Variants in CYYR1 observed in about 807,000 individuals in gnomAD.
The protein encoded by CYYR1 is cysteine and tyrosine rich 1.
In CYYR1, 14 loss-of-function variants were observed where a neutral mutation model predicts 15.2. That is an observed-to-expected ratio of 0.92 (90% CI 0.61 to 1.44). The LOEUF (loss-of-function observed/expected upper bound fraction) is 1.44, where lower values mean the gene tolerates loss of function less well. CYYR1 is among the 40% of genes most tolerant of loss of function. The probability of loss-of-function intolerance (pLI) is 0.00; values close to 1 mark genes in which losing one functional copy is unlikely to be tolerated. For missense variants in CYYR1, 228 were observed against 209.5 expected, an observed-to-expected ratio of 1.09 and a Z score of -0.54; for synonymous variants, 80 against 77.4, an observed-to-expected ratio of 1.03 and a Z score of -0.18.
intron 2 of CYYR1, among the ~76,000 whole-genome samples, chr21:26,560,266 T>G (rs1165477770): frequency 1.3e-5 from 2 of 152,244 alleles, no homozygotes; most frequent in East Asian, 3.8e-4. Flanking sequence ...GTTGATGGTA[T>G]GTAGGAATAT....
At chr21:26,478,105 A>T in intron 3 of CYYR1, 3 of 1,549,728 alleles carry the variant, frequency 1.9e-6, no homozygotes, top group Non-Finnish European at 2.6e-6. Flanking sequence ...AACAAAATAG[A>T]CCAAGATCTC....
intron 2 of CYYR1, among the ~76,000 whole-genome samples, chr21:26,496,883 A>G (rs1234663078): frequency 6.6e-6 from 1 of 152,222 alleles, no homozygotes; most frequent in East Asian, 1.9e-4. Flanking sequence ...CTTAATGGAA[A>G]GGTATACATT....
At position 26,520,111 on chromosome 21, in the gene CYYR1, G is replaced by GATATATATATATATATATATATATATAT. The variant is rs1491365888; in HGVS notation, c.177-39683_177-39682insATATATATATATATATATATATATATAT. On this transcript the variant is annotated intron_variant, in intron 2 of 3. Transcript: ENST00000652641. ...TTTCTTCTTCTAAAAAAAAACCCAG[G>GATATATATATATATATATATATATATAT]AGATATATATATATATATATATATA... is the stretch of plus-strand genomic sequence containing the variant. Among the ~76,000 whole-genome samples the GATATATATATATATATATATATATATAT allele has an allele frequency of 5.4e-4, 45 of 83,110 alleles. 4 individuals carry two copies. The highest frequency in any genetic ancestry group is 6.8e-4 in the African/African-American group (13 of 19,052). 54.5% of individuals were successfully genotyped at this position (83,110 alleles called of 152,430 possible). A position where few individuals can be genotyped will look rare whatever the true frequency, so the allele number is the denominator to read the frequency against.
At chr21:26,504,489 A>C (rs1257321600) in intron 2 of CYYR1, among the ~76,000 whole-genome samples, 2 of 151,932 alleles carry the variant, frequency 1.3e-5, no homozygotes, top group African/African-American at 2.4e-5. Flanking sequence ...CTAGGCTGTA[A>C]TTTTTATTAT....
chr21:26,542,610 C>A (rs1601812019), intron 2 of CYYR1, among the ~76,000 whole-genome samples: 1 of 152,156 alleles, frequency 6.6e-6, no homozygotes, highest in East Asian at 1.9e-4. Context: ...ACTCCAACAA[C>A]TTCTAGTCAA....
At chr21:26,493,164 G>A (rs2065350822) in intron 2 of CYYR1, among the ~76,000 whole-genome samples, 1 of 152,184 alleles carries the variant, frequency 6.6e-6, no homozygotes, top group African/African-American at 2.4e-5. Flanking sequence ...AAAAAACAGA[G>A]AGGTAAGGCT....
chr21:26,533,020 A>C, intron 2 of CYYR1, among the ~76,000 whole-genome samples: 1 of 151,072 alleles, frequency 6.6e-6, no homozygotes, highest in Admixed American at 6.6e-5. Context: ...AATATTCCAA[A>C]ATCCAAAAAA....
chr21:26,505,015 G>C (rs892566479), intron 2 of CYYR1, among the ~76,000 whole-genome samples: 1 of 152,196 alleles, frequency 6.6e-6, no homozygotes, highest in Non-Finnish European at 1.5e-5. Context: ...CTCTGTTTAA[G>C]AAGTTAGGAA....
chr21:26,537,214 T>G (rs1405519924), intron 2 of CYYR1, among the ~76,000 whole-genome samples: 1 of 152,102 alleles, frequency 6.6e-6, no homozygotes, highest in Admixed American at 6.5e-5. Flanking sequence ...GGTGCTGAAA[T>G]CAGGTATGGA....
At chr21:26,559,438 C>T (rs1407425138) in intron 2 of CYYR1, among the ~76,000 whole-genome samples, 17 of 152,102 alleles carry the variant, frequency 1.1e-4, no homozygotes, top group Non-Finnish European at 5.9e-5. Context: ...AGATATAATT[C>T]ACGTCCCACA....
intron 2 of CYYR1, among the ~76,000 whole-genome samples, chr21:26,535,867 C>T (rs1244640274): frequency 6.6e-6 from 1 of 152,022 alleles, no homozygotes; most frequent in Non-Finnish European, 1.5e-5. Flanking sequence ...TTGTATGTTC[C>T]CTTTGCCACT....
chr21:26,473,502 T>C (rs1299918072), intron 3 of CYYR1, among the ~76,000 whole-genome samples: 1 of 152,144 alleles, frequency 6.6e-6, no homozygotes, highest in East Asian at 1.9e-4. Flanking sequence ...CAGGTTTCCT[T>C]ATTGTAGACC....
At chr21:26,506,631 T>C (rs1436244626) in intron 2 of CYYR1, 1 of 152,212 alleles carries the variant, frequency 6.6e-6, no homozygotes, top group African/African-American at 2.4e-5. Flanking sequence ...AAGATCTCCA[T>C]GTGTTTCCAT....
At chr21:26,483,230 G>A (rs2065207041) in intron 2 of CYYR1, 1 of 155,192 alleles carries the variant, frequency 6.4e-6, no homozygotes, top group South Asian at 2.1e-4. Flanking sequence ...CAGTGTCTGT[G>A]TTTCTTCCAT....
At chr21:26,476,497 T>C (rs1407903333) in intron 3 of CYYR1, among the ~76,000 whole-genome samples, 1 of 152,156 alleles carries the variant, frequency 6.6e-6, no homozygotes, top group Non-Finnish European at 1.5e-5. Context: ...TTTTCAATTC[T>C]ATAACTCCCT....
rs148158318 is a variant in CYYR1 at position 26,491,729 on chromosome 21, A to G, written c.177-11300T>C. 6.0e-4 allele frequency among the ~76,000 whole-genome samples: 92 copies of G among 152,294 alleles called. 2 individuals carry two copies. In the East Asian group the frequency reaches 0.015, roughly 24 times the overall value. On this transcript the variant is annotated intron_variant, in intron 2 of 3. Coordinates refer to ENST00000652641, the MANE Select transcript of CYYR1 (RefSeq NM_001320768.2). ...TCTGATGGCAAGTAGACTCCAGACAATGAGTCCACGTGCCTAACCCAGTGT... is the reference window on the plus strand; with the variant it reads ...TCTGATGGCAAGTAGACTCCAGACAGTGAGTCCACGTGCCTAACCCAGTGT...
intron 2 of CYYR1, among the ~76,000 whole-genome samples, chr21:26,544,957 A>G (rs1978852014): frequency 6.6e-6 from 1 of 152,072 alleles, no homozygotes; most frequent in South Asian, 2.1e-4. Flanking sequence ...AACAAAAACA[A>G]AAACAAAAAA....
chr21:26,469,924 G>C lies in CYYR1; in HGVS notation c.335-1290C>G, dbSNP rs28593622. Among the ~76,000 whole-genome samples the C allele has an allele frequency of 4.4e-3, 662 of 152,116 alleles. 6 individuals are homozygous for C. Among genetic ancestry groups the C allele is most frequent in the African/African-American group, 0.014 (575 of 41,500 alleles). On this transcript the variant is annotated intron_variant, in intron 3 of 3. Transcript: ENST00000652641. ...ACTCCTTGAGCTGAAATTTATCCACGTTTCCAAGAACTGAATCATTTTGCA... is the reference window on the plus strand; with the variant it reads ...ACTCCTTGAGCTGAAATTTATCCACCTTTCCAAGAACTGAATCATTTTGCA...
intron 2 of CYYR1, among the ~76,000 whole-genome samples, chr21:26,485,054 G>C (rs2065232313): frequency 6.6e-6 from 1 of 151,950 alleles, no homozygotes; most frequent in Non-Finnish European, 1.5e-5. Flanking sequence ...TAAATAATTG[G>C]CTCAGTCAAC....
Sources: gnomAD v4.1 joint callset for allele counts (sites outside exome capture counted in the v4.1 genomes callset) on GRCh38, gnomAD v4.1.1 for gene constraint, MANE v1.5 for transcripts, NCBI Gene and HGNC (gene_info 2026-07-23, HGNC 2026-07-21) for gene names.